The following SMIM13 variants were observed in gnomAD, a reference collection of about 807,000 sequenced individuals.
SMIM13 encodes the protein small integral membrane protein 13.
SMIM13 carries 3 observed loss-of-function variants against 5.9 expected under a neutral mutation model. The ratio of observed to expected loss-of-function variants is 0.51; its 90% confidence interval spans 0.23 to 1.31. The LOEUF (loss-of-function observed/expected upper bound fraction) is 1.31, where lower values mean the gene tolerates loss of function less well. Among genes scored for constraint, SMIM13 ranks in the 40% most tolerant of loss-of-function variants. The pLI is 0.18. For synonymous variants in SMIM13, 55 were observed against 46.0 expected (o/e 1.19, Z -0.79); for missense variants, 85 against 109.9 (o/e 0.77, Z 1.01).
rs1006887238 is a variant in SMIM13, at chr6:11,112,746, A to G, written c.76+18357A>G. Among the ~76,000 whole-genome samples the G allele has an allele frequency of 3.3e-5, 5 of 152,136 alleles. No individual in the cohort carries two copies. In the East Asian group the frequency reaches 5.8e-4, roughly 18 times the overall value. On this transcript the variant is annotated intron_variant, in intron 1 of 1. Coordinates refer to ENST00000416247, the MANE Select transcript of SMIM13 (RefSeq NM_001135575.2). ...TAGATATACCACAATTTGTTTATCC[A>G]TTTACTCATTGATGGACATGAGAGT...
At chr6:11,105,286 T>C (rs754919840) in intron 1 of SMIM13, 3 of 1,613,760 alleles carry the variant, frequency 1.9e-6, no homozygotes, top group Non-Finnish European at 2.5e-6. Context: ...GGCGTGAGAA[T>C]GAGAACCAGC....
Position 11,094,385 on chromosome 6 carries a change from G to T in SMIM13, c.72G>T (p.Val24=). The stretch of plus-strand genomic sequence containing the variant: ...TGCTGATCGTCCTGCTGCTGATGGT[G>T]TGCGGTGAGTGGGGGCGGTAGCCGC... ...ATLLIVLLLM[V]CGWYFVWHLF... Residue 24 remains valine, a synonymous_variant, in exon 1 of 2, where the codon GTG becomes GTT. Transcript: ENST00000416247. The T allele has an allele frequency of 6.5e-7, 1 of 1,535,740 alleles. No individual in the cohort carries two copies. The highest frequency in any genetic ancestry group is 8.8e-7 in the Non-Finnish European group (1 of 1,142,646).
intron 1 of SMIM13, among the ~76,000 whole-genome samples, chr6:11,120,383 C>G (rs1758295112): frequency 6.6e-6 from 1 of 152,180 alleles, no homozygotes; most frequent in Non-Finnish European, 1.5e-5. Context: ...TGGTGAGGGC[C>G]TGCTTCCTGG....
At chr6:11,107,130 T>C (rs1413191452) in intron 1 of SMIM13, among the ~76,000 whole-genome samples, 3 of 152,214 alleles carry the variant, frequency 2.0e-5, no homozygotes, top group Non-Finnish European at 4.4e-5. Context: ...CCGTATGTCA[T>C]GTGGATTATC....
intron 1 of SMIM13, among the ~76,000 whole-genome samples, chr6:11,117,157 A>ATTTTTTTTTTTTTT (rs1341431576): frequency 7.7e-5 from 9 of 116,928 alleles, no homozygotes; most frequent in South Asian, 2.8e-4. Context: ...CGCCCGGCTA[A>ATTTTTTTTTTTTTT]TTTTTGTATT....
chr6:11,104,852 A>G, intron 1 of SMIM13: 1 of 1,614,244 alleles, frequency 6.2e-7, no homozygotes, highest in Non-Finnish European at 8.5e-7. Flanking sequence ...TCTGTTGGTT[A>G]GAATCTACAG....
At chr6:11,110,902 A>G (rs982624875) in intron 1 of SMIM13, among the ~76,000 whole-genome samples, 2 of 152,210 alleles carry the variant, frequency 1.3e-5, no homozygotes, top group African/African-American at 4.8e-5. Flanking sequence ...CTTAAGGGCT[A>G]CAGAGTGAGG....
At chr6:11,131,792 C>T (rs888764851) in intron 1 of SMIM13, among the ~76,000 whole-genome samples, 37 of 152,116 alleles carry the variant, frequency 2.4e-4, no homozygotes, top group Admixed American at 1.4e-3. Flanking sequence ...TGAAGACTTA[C>T]ATCTAAGAGC....
At chr6:11,104,095 T>A (rs1424487261) in intron 1 of SMIM13, 1 of 1,542,840 alleles carries the variant, frequency 6.5e-7, no homozygotes, top group South Asian at 1.2e-5. Flanking sequence ...AAAGAGTCGA[T>A]TTGTTCTTGC....
chr6:11,104,124 G>A (rs745850405), intron 1 of SMIM13: 119 of 1,533,284 alleles, frequency 7.8e-5, no homozygotes, highest in Non-Finnish European at 1.1e-5. Context: ...TAAGGCTTTA[G>A]CCATGGTGTC....
At chr6:11,118,486 T>C (rs1194730540) in intron 1 of SMIM13, among the ~76,000 whole-genome samples, 1 of 152,214 alleles carries the variant, frequency 6.6e-6, no homozygotes, top group South Asian at 2.1e-4. Context: ...CAGGTGCTAC[T>C]TTAAGGCATA....
intron 1 of SMIM13, among the ~76,000 whole-genome samples, chr6:11,097,578 GA>G (rs1310538896): frequency 6.6e-6 from 1 of 150,954 alleles, no homozygotes; most frequent in Admixed American, 6.6e-5. Context: ...TGAGGCAGGA[GA>G]ACTGCTTGAA....
chr6:11,097,298 T>A (rs994416358), intron 1 of SMIM13, among the ~76,000 whole-genome samples: 3 of 152,330 alleles, frequency 2.0e-5, no homozygotes, highest in African/African-American at 7.2e-5. Flanking sequence ...TATAAGGACA[T>A]CAGTCGCTGG....
At chr6:11,113,626 A>C (rs546781142) in intron 1 of SMIM13, among the ~76,000 whole-genome samples, 14 of 152,128 alleles carry the variant, frequency 9.2e-5, no homozygotes, top group African/African-American at 2.9e-4. Flanking sequence ...CCCAGGCTGG[A>C]GTACAGTGGC....
In SMIM13 at chr6:11,137,580, C is replaced by T. The variant is rs963744499; in HGVS notation, c.*2978C>T. ...CCTCACAAAGGATGATGGTGATCAG[C>T]ATGCCATCTTTTGAAGATTAATTCT... On this transcript the variant is annotated 3_prime_UTR_variant, in exon 2 of 2. Coordinates refer to ENST00000416247, the MANE Select transcript of SMIM13 (RefSeq NM_001135575.2). The T allele has an allele frequency of 6.6e-6, 1 of 152,116 alleles. No individual in the cohort carries two copies. The highest frequency in any genetic ancestry group is 2.4e-5 in the African/African-American group (1 of 41,436). 9.4% of individuals were successfully genotyped at this position (152,116 alleles called of 1,614,324 possible).
chr6:11,118,062 G>A (rs1758264587), intron 1 of SMIM13, among the ~76,000 whole-genome samples: 1 of 151,334 alleles, frequency 6.6e-6, no homozygotes, highest in Admixed American at 6.6e-5. Context: ...GTAGAGATGG[G>A]GTTTCGCCAT....
chr6:11,129,934 CAT>C (rs1463362689), intron 1 of SMIM13, among the ~76,000 whole-genome samples: 24 of 152,206 alleles, frequency 1.6e-4, no homozygotes, highest in African/African-American at 5.1e-4. Flanking sequence ...ACAGATGTGT[CAT>C]GTGTCGTTTT....
At chr6:11,119,662 C>A (rs56772372) in intron 1 of SMIM13, among the ~76,000 whole-genome samples, 38,825 of 151,216 alleles carry the variant, frequency 0.26, 5,281 homozygotes, top group African/African-American at 0.32. Context: ...TCCAAAAAAA[C>A]AGAAAATTTG....
rs1200584460 is a variant in SMIM13 at position 11,134,791 on chromosome 6, T to C, written c.*189T>C. ...AATTGGACTATTATAAATTTCATCT[T>C]AAAGATAATCTTTTGTTTCACCAGC... is the stretch of plus-strand genomic sequence containing the variant. On this transcript the variant is annotated 3_prime_UTR_variant, in exon 2 of 2. Coordinates refer to ENST00000416247, the MANE Select transcript of SMIM13 (RefSeq NM_001135575.2). 1 of 431,016 alleles carries C rather than the reference T, an allele frequency of 2.3e-6. No homozygotes were observed. The highest frequency in any genetic ancestry group is 3.6e-5 in the East Asian group (1 of 27,834). 26.7% of individuals were successfully genotyped at this position (431,016 alleles called of 1,614,324 possible).
Sources: allele counts gnomAD v4.1 joint callset (sites outside exome capture counted in the v4.1 genomes callset), GRCh38; gene constraint gnomAD v4.1.1; transcripts MANE v1.5; gene names NCBI Gene and HGNC (gene_info 2026-07-23, HGNC 2026-07-21).